ZFPM1: variants seen among roughly 807,000 people sequenced by gnomAD.
ZFPM1 encodes zinc finger protein, FOG family member 1.
Under a neutral mutation model 46.3 loss-of-function variants are expected in ZFPM1, and 28 were observed. The observed-to-expected ratio is 0.60, with a 90% confidence interval of 0.45 to 0.83. The LOEUF (loss-of-function observed/expected upper bound fraction) is 0.83. ZFPM1 is among the 40% of genes least tolerant of loss of function. ZFPM1 has a pLI of 0.00. For synonymous variants in ZFPM1, 957 were observed against 675.9 expected (o/e 1.42, Z -6.45); for missense variants, 1,878 against 1,432.4 (o/e 1.31, Z -5.02).
chr16:88,493,936 G>A (rs1487063252), intron 3 of ZFPM1, among the ~76,000 whole-genome samples: 2 of 152,314 alleles, frequency 1.3e-5, no homozygotes, highest in Non-Finnish European at 2.9e-5. Flanking sequence ...TCTGAGACGG[G>A]AGCACAGGCC....
intron 6 of ZFPM1, 98 bp downstream of exon 6, chr16:88,528,336 C>T: frequency 7.6e-7 from 1 of 1,321,422 alleles, no homozygotes. Context: ...AGCTCGGGGG[C>T]TGCAGGCTGC....
At chr16:88,464,301 G>A (rs901821669) in intron 1 of ZFPM1, among the ~76,000 whole-genome samples, 2 of 152,206 alleles carry the variant, frequency 1.3e-5, no homozygotes, top group Admixed American at 6.5e-5. Flanking sequence ...CCCCCAGGCT[G>A]CCTGTTTATG....
rs1379317747 is a variant in ZFPM1, at chr16:88,534,609, C to T, written c.2651C>T (p.Pro884Leu). Residue 884 changes from proline to leucine, a missense_variant, in exon 10 of 10, where the codon CCC becomes CTC. By Grantham distance (98) the Pro-to-Leu change is moderately conservative. Coordinates refer to ENST00000319555, the MANE Select transcript of ZFPM1 (RefSeq NM_153813.3). Reference protein sequence around the residue: ...RLAHGLLLGAPLAGPGVEART... With the variant: ...RLAHGLLLGALLAGPGVEART... ...GCGCACGGCCTGCTGCTCGGCGCGC[C>T]CCTGGCCGGCCCGGGGGTCGAGGCC... 2 of 1,155,818 alleles carry T rather than the reference C, an allele frequency of 1.7e-6. No homozygotes were observed. Among genetic ancestry groups the T allele is most frequent in the South Asian group, 3.8e-5 (1 of 26,248 alleles). The allele number at this position is 1,155,818 out of a possible 1,614,324, so 71.6% of individuals were successfully genotyped here.
At chr16:88,467,564 C>G (rs899044204) in intron 1 of ZFPM1, among the ~76,000 whole-genome samples, 3 of 152,242 alleles carry the variant, frequency 2.0e-5, no homozygotes, top group African/African-American at 7.2e-5. Flanking sequence ...GTGTAGACCG[C>G]GAGACCTGCC....
chr16:88,475,157 G>A (rs1047448974), intron 1 of ZFPM1, among the ~76,000 whole-genome samples: 1 of 152,264 alleles, frequency 6.6e-6, no homozygotes, highest in Non-Finnish European at 1.5e-5. Context: ...TCCGGGAGGA[G>A]CCATGCCCGA....
chr16:88,519,874 G>C (rs940936292), intron 4 of ZFPM1, among the ~76,000 whole-genome samples: 1 of 151,738 alleles, frequency 6.6e-6, no homozygotes, highest in African/African-American at 2.4e-5. Context: ...TGGGTAGATG[G>C]GTAGATGGAG....
At chr16:88,520,378 G>C (rs915008295) in intron 4 of ZFPM1, among the ~76,000 whole-genome samples, 2 of 151,536 alleles carry the variant, frequency 1.3e-5, no homozygotes, top group Non-Finnish European at 2.9e-5. Context: ...TGGATGAGTG[G>C]ATGGATAGAT....
chr16:88,532,513 C>T (rs1912870565), intron 7 of ZFPM1, 101 bp from the exon 8 acceptor site: 5 of 1,271,156 alleles, frequency 3.9e-6, no homozygotes, highest in Admixed American at 4.4e-5. Flanking sequence ...CACAGGGTCC[C>T]CCGGCACAGA....
intron 1 of ZFPM1, among the ~76,000 whole-genome samples, chr16:88,478,536 G>A (rs1908786260): frequency 6.6e-6 from 1 of 152,394 alleles, no homozygotes; most frequent in East Asian, 1.9e-4. Context: ...TGCCCGTCCT[G>A]CCTCCCGCAG....
rs1350036100 is a variant in ZFPM1, at chr16:88,465,751, G to A, written c.40+12073G>A. Among the ~76,000 whole-genome samples the A allele has an allele frequency of 3.9e-5, 6 of 152,356 alleles. 1 individual carries two copies. The highest frequency in any genetic ancestry group is 3.3e-4 in the Admixed American group (5 of 15,312). On this transcript the variant is annotated intron_variant, in intron 1 of 9. Transcript: ENST00000319555. ...CCCTGCTGCTGCACCTGACAGCTGCGCCCAGATGGGACTCAGGTGCCATCG... is the reference window on the plus strand; with the variant it reads ...CCCTGCTGCTGCACCTGACAGCTGCACCCAGATGGGACTCAGGTGCCATCG...
At chr16:88,515,453 AGACACAGG>A (rs1911238726) in intron 4 of ZFPM1, among the ~76,000 whole-genome samples, 1 of 152,258 alleles carries the variant, frequency 6.6e-6, no homozygotes, top group Non-Finnish European at 1.5e-5. Context: ...ACCTTGGGTG[AGACACAGG>A]GGCGCCTAAA....
chr16:88,466,158 AG>A (rs1490955242), intron 1 of ZFPM1, among the ~76,000 whole-genome samples: 1 of 152,116 alleles, frequency 6.6e-6, no homozygotes, highest in Non-Finnish European at 1.5e-5. Flanking sequence ...GGGAACCCAA[AG>A]GCAGGATCCC....
Position 88,514,535 on chromosome 16 carries a change from T to C in ZFPM1, c.402+15T>C, listed in dbSNP as rs1344736927. On this transcript the variant is annotated intron_variant, in intron 4 of 9. Transcript: ENST00000319555. Reference sequence around the variant, plus strand: ...AGGCGGAGCCGGTAAGAAGCCCCCATCCCCGCCCCTGCCCGCCCACCCCAA... The same window carrying C: ...AGGCGGAGCCGGTAAGAAGCCCCCACCCCCGCCCCTGCCCGCCCACCCCAA... 4 of 1,544,760 alleles carry C rather than the reference T, an allele frequency of 2.6e-6. No individual in the cohort carries two copies. The highest frequency in any genetic ancestry group is 1.7e-6 in the Non-Finnish European group (2 of 1,145,494).
Position 88,534,200 on chromosome 16 carries a change from G to C in ZFPM1, c.2242G>C (p.Glu748Gln), listed in dbSNP as rs1322185248. The change falls in exon 10 of 10, where the codon GAG (glutamate) becomes CAG (glutamine). Residue 748 changes from glutamate to glutamine, a missense_variant. Transcript: ENST00000319555. ...CACGCGCAGACGCCGCAAGCTCTAC[G>C]AGCTGCACGCGGCCGGCGCCCCGCC... ...VRTRRRRKLY[E>Q]LHAAGAPPPP... 2 of 978,332 alleles carry C rather than the reference G, an allele frequency of 2.0e-6. No individual in the cohort carries two copies. The highest frequency in any genetic ancestry group is 1.8e-5 in the African/African-American group (1 of 54,260). The allele number at this position is 978,332 out of a possible 1,614,324, so 60.6% of individuals were successfully genotyped here.
At chr16:88,453,118 C>G (rs1368764539), upstream of ZFPM1, among the ~76,000 whole-genome samples, 4 of 145,916 alleles carry the variant, frequency 2.7e-5, no homozygotes, top group Non-Finnish European at 4.5e-5. Flanking sequence ...GGAGCCAGAG[C>G]AACGAAGAGC....
chr16:88,460,983 GAGGGGCGGGAGGCC>G (rs1907814658), intron 1 of ZFPM1, among the ~76,000 whole-genome samples: 1 of 63,114 alleles, frequency 1.6e-5, no homozygotes, highest in Non-Finnish European at 3.1e-5. Context: ...GGACCGAGGG[GAGGGGCGGGAGGCC>G]TGGTGAGGAC....
At position 88,501,543 on chromosome 16, in the gene ZFPM1, C is replaced by T. The variant is rs796293442; in HGVS notation, c.268+12390C>T. On this transcript the variant is annotated intron_variant, in intron 3 of 9. Coordinates refer to ENST00000319555, the MANE Select transcript of ZFPM1 (RefSeq NM_153813.3). Reference sequence around the variant, plus strand: ...AGATAGCAGACATGGGTGCGTGGGCCATCCCGCAGGTGCTGGTGATGATGG... The same window carrying T: ...AGATAGCAGACATGGGTGCGTGGGCTATCCCGCAGGTGCTGGTGATGATGG... 2.2e-4 allele frequency among the ~76,000 whole-genome samples: 28 copies of T among 129,774 alleles called. 1 individual carries two copies. The highest frequency in any genetic ancestry group is 1.3e-4 in the Non-Finnish European group (8 of 61,300). 85.1% of individuals were successfully genotyped at this position (129,774 alleles called of 152,430 possible). A position where few individuals can be genotyped will look rare whatever the true frequency, so the allele number is the denominator to read the frequency against.
At position 88,533,533 on chromosome 16, in the gene ZFPM1, C is replaced by A; in HGVS notation, c.1575C>A (p.Phe525Leu). The change falls in exon 10 of 10, where the codon TTC becomes TTA. Residue 525 changes from phenylalanine to leucine, a missense_variant. By Grantham distance (22) the Phe-to-Leu change is conservative. Coordinates refer to ENST00000319555, the MANE Select transcript of ZFPM1 (RefSeq NM_153813.3). ...PGELGLAGAL[F>L]LPQYVFGPDA... ...AGCTGGGCCTGGCCGGGGCCCTGTT[C>A]CTTCCGCAGTACGTGTTCGGGCCCG... 6.9e-7 allele frequency: 1 copy of A among 1,458,808 alleles called. No individual in the cohort carries two copies. The highest frequency in any genetic ancestry group is 3.1e-5 in the East Asian group (1 of 31,864). The allele number at this position is 1,458,808 out of a possible 1,614,324, so 90.4% of individuals were successfully genotyped here.
At chr16:88,491,616 G>T (rs943011392) in intron 3 of ZFPM1, among the ~76,000 whole-genome samples, 1 of 152,200 alleles carries the variant, frequency 6.6e-6, no homozygotes, top group Non-Finnish European at 1.5e-5. Context: ...TTCTCCAGAC[G>T]GAGAAGGCCC....
Sources: gnomAD v4.1 joint callset for allele counts (sites outside exome capture counted in the v4.1 genomes callset) on GRCh38, gnomAD v4.1.1 for gene constraint, MANE v1.5 for transcripts, NCBI Gene and HGNC (gene_info 2026-07-23, HGNC 2026-07-21) for gene names.